Variants in SGCZ observed in about 807,000 individuals in gnomAD.
SGCZ encodes zeta-sarcoglycan.
A neutral mutation model predicts 41.3 loss-of-function variants in SGCZ; 40 were observed. That is an observed-to-expected ratio of 0.97 (90% confidence interval 0.75 to 1.26). The LOEUF is 1.26. SGCZ is among the 50% of genes most tolerant of loss of function. The pLI is 0.00. For synonymous variants in SGCZ, 206 were observed against 137.5 expected (o/e 1.50, Z -3.49); for missense variants, 552 against 369.8 (o/e 1.49, Z -4.04).
At chr8:14,672,692 C>G (rs1479833671) in intron 1 of SGCZ, among the ~76,000 whole-genome samples, 1 of 152,036 alleles carries the variant, frequency 6.6e-6, no homozygotes, top group East Asian at 1.9e-4. Flanking sequence ...TCAGGACAAC[C>G]CTCCATCACA....
At chr8:14,868,074 CTG>C (rs1308415407) in intron 1 of SGCZ, among the ~76,000 whole-genome samples, 1 of 152,144 alleles carries the variant, frequency 6.6e-6, no homozygotes, top group Non-Finnish European at 1.5e-5. Context: ...AGCTTCAAGA[CTG>C]TGTCAAACTC....
At chr8:14,916,835 TAA>T (rs1799452764) in intron 1 of SGCZ, among the ~76,000 whole-genome samples, 2 of 152,182 alleles carry the variant, frequency 1.3e-5, no homozygotes, top group African/African-American at 4.8e-5. Flanking sequence ...GGGTACTTTG[TAA>T]AAATAGACGC....
At chr8:14,465,500 A>T (rs915354112) in intron 2 of SGCZ, among the ~76,000 whole-genome samples, 2 of 151,744 alleles carry the variant, frequency 1.3e-5, no homozygotes, top group Non-Finnish European at 3.0e-5. Context: ...CATTTAAGTA[A>T]TTACTGATAA....
At chr8:14,316,379 T>C in intron 3 of SGCZ, among the ~76,000 whole-genome samples, 1 of 152,038 alleles carries the variant, frequency 6.6e-6, no homozygotes, top group Non-Finnish European at 1.5e-5. Context: ...CATTTGTATA[T>C]CTTTTCAGGT....
chr8:14,119,455 T>C lies in SGCZ; in HGVS notation c.548-11220A>G, dbSNP rs375767632. On this transcript the variant is annotated intron_variant, in intron 5 of 7. Coordinates refer to ENST00000382080, the MANE Select transcript of SGCZ (RefSeq NM_139167.4). ...GATTTTGCTTATGAGCTTAAGGAGATTTTGGGCTCAGACAGTGGGGTTTTC... is the reference window on the plus strand; with the variant it reads ...GATTTTGCTTATGAGCTTAAGGAGACTTTGGGCTCAGACAGTGGGGTTTTC... 6.6e-5 allele frequency among the ~76,000 whole-genome samples: 10 copies of C among 152,192 alleles called. No homozygotes were observed. In the East Asian group the frequency reaches 7.7e-4, roughly 12 times the overall value.
intron 2 of SGCZ, among the ~76,000 whole-genome samples, chr8:14,399,749 G>A (rs907741949): frequency 6.6e-6 from 1 of 151,992 alleles, no homozygotes; most frequent in Non-Finnish European, 1.5e-5. Flanking sequence ...AACTGTTGAT[G>A]TATTTTACAT....
chr8:15,049,368 G>A (rs1007168364), intron 1 of SGCZ, among the ~76,000 whole-genome samples: 1 of 152,102 alleles, frequency 6.6e-6, no homozygotes, highest in Non-Finnish European at 1.5e-5. Flanking sequence ...AGAGGGAAGA[G>A]CAAGAGCAGG....
intron 1 of SGCZ, among the ~76,000 whole-genome samples, chr8:15,120,838 A>G (rs1807452332): frequency 6.6e-6 from 1 of 152,278 alleles, no homozygotes; most frequent in East Asian, 1.9e-4. Context: ...TTTGCATATG[A>G]ATACCTTGTA....
At chr8:14,851,325 T>C (rs1195057638) in intron 1 of SGCZ, among the ~76,000 whole-genome samples, 2 of 124,004 alleles carry the variant, frequency 1.6e-5, no homozygotes, top group African/African-American at 3.2e-5. Flanking sequence ...GCCAAGATCA[T>C]GCCACTGCAC....
intron 2 of SGCZ, among the ~76,000 whole-genome samples, chr8:14,406,764 T>C (rs896446786): frequency 1.3e-5 from 2 of 152,126 alleles, no homozygotes; most frequent in Non-Finnish European, 2.9e-5. Flanking sequence ...ATTCCAGAAA[T>C]TTTTGCATAC....
At chr8:15,122,301 T>C (rs1316694278) in intron 1 of SGCZ, among the ~76,000 whole-genome samples, 2 of 152,024 alleles carry the variant, frequency 1.3e-5, no homozygotes, top group Non-Finnish European at 2.9e-5. Flanking sequence ...ATGACAGGAA[T>C]TTAGCCAAGC....
At chr8:14,557,863 T>C (rs906956666) in intron 1 of SGCZ, among the ~76,000 whole-genome samples, 1 of 152,036 alleles carries the variant, frequency 6.6e-6, no homozygotes, top group African/African-American at 2.4e-5. Context: ...ATACAACAGA[T>C]AAATGAAACA....
At chr8:14,124,074 G>T (rs1002173324) in intron 5 of SGCZ, among the ~76,000 whole-genome samples, 1 of 152,014 alleles carries the variant, frequency 6.6e-6, no homozygotes, top group Non-Finnish European at 1.5e-5. Flanking sequence ...GCTCAGACCA[G>T]GAATCACCTT....
chr8:14,597,839 T>C (rs28453712), intron 1 of SGCZ, among the ~76,000 whole-genome samples: 46,951 of 152,114 alleles, frequency 0.31, 8,574 homozygotes, highest in Admixed American at 0.4. Context: ...CCACAATGTA[T>C]AACAGTAGAA....
chr8:14,551,643 T>TG (rs1409814950), intron 2 of SGCZ, among the ~76,000 whole-genome samples: 1 of 97,692 alleles, frequency 1.0e-5, no homozygotes, highest in Non-Finnish European at 2.0e-5. Flanking sequence ...TATATATATA[T>TG]AAAATATATA....
chr8:15,142,003 A>G (rs1798901224), intron 1 of SGCZ, among the ~76,000 whole-genome samples: 1 of 152,214 alleles, frequency 6.6e-6, no homozygotes, highest in Non-Finnish European at 1.5e-5. Flanking sequence ...CACCGGCTGC[A>G]TCAAGAAAGC....
intron 1 of SGCZ, among the ~76,000 whole-genome samples, chr8:14,667,021 A>G (rs538269654): frequency 6.2e-4 from 95 of 152,306 alleles, no homozygotes; most frequent in African/African-American, 2.1e-3. Flanking sequence ...CAGTTTATAT[A>G]TAGCAATGAT....
At chr8:14,789,426 A>G (rs1800877427) in intron 1 of SGCZ, among the ~76,000 whole-genome samples, 1 of 152,186 alleles carries the variant, frequency 6.6e-6, no homozygotes, top group Non-Finnish European at 1.5e-5. Flanking sequence ...TTTGTGTTTC[A>G]AATAAATTTC....
intron 5 of SGCZ, among the ~76,000 whole-genome samples, chr8:14,127,586 G>T (rs955180137): frequency 3.3e-5 from 5 of 151,956 alleles, no homozygotes; most frequent in Non-Finnish European, 7.4e-5. Context: ...CTCCCGAGTA[G>T]CTGGGACTAC....
Sources: allele counts gnomAD v4.1 joint callset (sites outside exome capture counted in the v4.1 genomes callset), GRCh38; gene constraint gnomAD v4.1.1; transcripts MANE v1.5; gene names NCBI Gene and HGNC (gene_info 2026-07-23, HGNC 2026-07-21).